Variants in LGALS3BP observed in about 807,000 individuals in gnomAD.
LGALS3BP encodes the protein galectin 3 binding protein.
Under a neutral mutation model 22.9 loss-of-function variants are expected in LGALS3BP, and 25 were observed. The ratio of observed to expected loss-of-function variants is 1.09; its 90% CI spans 0.80 to 1.53. The LOEUF (loss-of-function observed/expected upper bound fraction) is 1.53, where lower values mean the gene tolerates loss of function less well. LGALS3BP is among the 40% of genes most tolerant of loss of function. The probability of loss-of-function intolerance (pLI) is 0.00; values close to 1 mark genes in which losing one functional copy is unlikely to be tolerated. For missense variants in LGALS3BP, 718 were observed against 752.0 expected, an observed-to-expected ratio of 0.95 and a Z score of 0.53; for synonymous variants, 335 against 331.1, an observed-to-expected ratio of 1.01 and a Z score of -0.13.
In LGALS3BP at chr17:78,974,696, C is replaced by T; in HGVS notation, c.368G>A (p.Cys123Tyr). 6.2e-7 allele frequency: 1 copy of T among 1,613,388 alleles called. No individual in the cohort carries two copies. The highest frequency in any genetic ancestry group is 8.5e-7 in the Non-Finnish European group (1 of 1,179,946). ...CRHERDAGVV[C>Y]TNETRSTHTL... is the part of the protein sequence containing the mutation. ...GGTGCGCCCCCGCTCACCATTGGTG[C>T]AGACCACACCAGCGTCTCTCTCGTG... is the stretch of plus-strand genomic sequence containing the variant. Residue 123 changes from cysteine to tyrosine, a missense_variant, in exon 4 of 6, where the codon TGC becomes TAC. Cys to Tyr is a radical substitution (Grantham distance 194). Transcript: ENST00000262776.
Position 78,971,700 on chromosome 17 carries a change from G to A in LGALS3BP, c.1634C>T (p.Pro545Leu), listed in dbSNP as rs755631006. Residue 545 changes from proline to leucine, a missense_variant, in exon 6 of 6, where the codon CCC (proline) becomes CTC (leucine). Pro to Leu is a moderately conservative substitution (Grantham distance 98). Transcript: ENST00000262776. This position sits in a 1 kb window ranked among gnomAD's most constrained non-coding sequence, Gnocchi z 5.6. Reference sequence around the variant, plus strand: ...CGAGCTGTTGGTGTCCAGGGCACTGGGAATCGCAGCCTTCCAGCCCTCGAA... The same window carrying A: ...CGAGCTGTTGGTGTCCAGGGCACTGAGAATCGCAGCCTTCCAGCCCTCGAA... ...TDFEGWKAAI[P>L]SALDTNSSKS... is the part of the protein sequence containing the mutation. 1.2e-6 allele frequency: 2 copies of A among 1,613,950 alleles called. No homozygotes were observed. Among genetic ancestry groups the A allele is most frequent in the East Asian group, 4.5e-5 (2 of 44,868 alleles).
At chr17:78,977,532 C>T (rs1313578641) in intron 1 of LGALS3BP, 2 of 300,624 alleles carry the variant, frequency 6.7e-6, no homozygotes. Context: ...TCTCAAAAAA[C>T]CAGGCCCCGG....
Position 78,976,007 on chromosome 17 carries a change from C to G in LGALS3BP, c.202G>C (p.Glu68Gln), listed in dbSNP as rs11548453. ...CTGCCCAGAGCCTGGGTGGCGTTCT[C>G]GAAGCCCAGGGCCCGGCAGACGACG... ...ASVVCRALGF[E>Q]NATQALGRAA... Residue 68 changes from glutamate to glutamine, a missense_variant, in exon 3 of 6, where the codon GAG becomes CAG. Transcript: ENST00000262776. This position sits in a 1 kb window ranked among gnomAD's most constrained non-coding sequence, Gnocchi z 4.6. The G allele has an allele frequency of 3.1e-6, 5 of 1,612,248 alleles. No individual in the cohort carries two copies. Among genetic ancestry groups the G allele is most frequent in the African/African-American group, 1.3e-5 (1 of 74,892 alleles).
At chr17:78,974,316 G>C (rs148533331) in intron 4 of LGALS3BP, among the ~76,000 whole-genome samples, 1 of 152,250 alleles carries the variant, frequency 6.6e-6, no homozygotes. Context: ...GACTCCCTCC[G>C]CCAGGACGGG....
rs555987277 is a variant in LGALS3BP, at chr17:78,976,898, G to A, written c.52+242C>T. On this transcript the variant is annotated intron_variant, in intron 2 of 5. Transcript: ENST00000262776. This position sits in a 1 kb window ranked among gnomAD's most constrained non-coding sequence, Gnocchi z 4.6. ...TCAGCCCCTCTGGTTCCCTCTGGAC[G>A]GAATGGAGGATTCCCTAGTGTCCTC... 60 of 562,180 alleles carry A rather than the reference G, an allele frequency of 1.1e-4. No homozygotes were observed. In the East Asian group the frequency reaches 1.8e-3, roughly 17 times the overall value. The allele number at this position is 562,180 out of a possible 1,614,324, so 34.8% of individuals were successfully genotyped here.
rs376191216 is a variant in LGALS3BP at position 78,972,939 on chromosome 17, G to A, written c.629+31C>T. The stretch of plus-strand genomic sequence containing the variant: ...AGGGGAGGAGGACAAAGCCCCTGGC[G>A]GCCCCAGAGCCTGAGGACGAGACGG... On this transcript the variant is annotated intron_variant, in intron 5 of 5. Transcript: ENST00000262776. The surrounding 1 kb of genome is among the most constrained non-coding windows in gnomAD (Gnocchi z 5.1). 101 of 1,579,338 alleles carry A rather than the reference G, an allele frequency of 6.4e-5. 2 individuals are homozygous for A. In the African/African-American group the frequency reaches 8.2e-4, roughly 13 times the overall value.
chr17:78,979,789 G>C (rs1209547199), intron 1 of LGALS3BP, 35 bp downstream of exon 1: 3 of 152,274 alleles, frequency 2.0e-5, no homozygotes, highest in African/African-American at 7.2e-5. Flanking sequence ...AGACTGAGAG[G>C]GGTGCCCACC....
In LGALS3BP at chr17:78,974,791, G is replaced by T. The variant is rs764165307; in HGVS notation, c.273C>A (p.Val91=). The change falls in exon 4 of 6, where the codon GTC becomes GTA. Residue 91 remains valine (V), a synonymous_variant. Coordinates refer to ENST00000262776, the MANE Select transcript of LGALS3BP (RefSeq NM_005567.4). ...GTGAGGCCTCGGTTCCCGTGCACTG[G>T]ACCTCATCCAGCATGATGGGGCCTG... The part of the protein sequence containing the change: ...QGSGPIMLDE[V]QCTGTEASLA... 6.2e-7 allele frequency: 1 copy of T among 1,613,868 alleles called. No homozygotes were observed. Among genetic ancestry groups the T allele is most frequent in the South Asian group, 1.1e-5 (1 of 91,084 alleles).
In LGALS3BP at chr17:78,975,994, T is replaced by C; in HGVS notation, c.215A>G (p.Gln72Arg). 6.2e-7 allele frequency: 1 copy of C among 1,611,750 alleles called. No homozygotes were observed. ...CCCGAAGGCAGCTCTGCCCAGAGCCTGGGTGGCGTTCTCGAAGCCCAGGGC... is the reference window on the plus strand; with the variant it reads ...CCCGAAGGCAGCTCTGCCCAGAGCCCGGGTGGCGTTCTCGAAGCCCAGGGC... ...CRALGFENAT[Q>R]ALGRAAFGQG... Residue 72 changes from glutamine to arginine, a missense_variant, in exon 3 of 6, where the codon CAG becomes CGG. Coordinates refer to ENST00000262776, the MANE Select transcript of LGALS3BP (RefSeq NM_005567.4).
Position 78,972,709 on chromosome 17 carries a change from G to GA in LGALS3BP, c.630-6_630-5insT. On this transcript the variant is annotated splice_polypyrimidine_tract_variant and splice_region_variant and intron_variant, in intron 5 of 5. Transcript: ENST00000262776. The surrounding 1 kb of genome is among the most constrained non-coding windows in gnomAD (Gnocchi z 5.1). The stretch of plus-strand genomic sequence containing the variant: ...ATCCTTCGGGAGTAGAAGTACCTGG[G>GA]GAGAAAGAAGGAGAGCAGATGCCGG... 6.6e-7 allele frequency: 1 copy of GA among 1,515,622 alleles called. No homozygotes were observed. Among genetic ancestry groups the GA allele is most frequent in the South Asian group, 1.3e-5 (1 of 75,184 alleles). 93.9% of individuals were successfully genotyped at this position (1,515,622 alleles called of 1,614,324 possible).
At position 78,971,734 on chromosome 17, in the gene LGALS3BP, C is replaced by T. The variant is rs187815628; in HGVS notation, c.1600G>A (p.Val534Ile). 6.9e-5 allele frequency: 111 copies of T among 1,614,072 alleles called. 1 individual carries two copies. The highest frequency in any genetic ancestry group is 2.2e-4 in the Admixed American group (13 of 60,026). ...GCCTTCCAGCCCTCGAAATCGGTGA[C>T]GTCTGCCACGAAGAGCCCTTCGCAG... ...MLCEGLFVAD[V>I]TDFEGWKAAI... is the part of the protein sequence containing the mutation. Residue 534 changes from valine to isoleucine, a missense_variant, in exon 6 of 6, where the codon GTC (valine) becomes ATC (isoleucine). By Grantham distance (29) the Val-to-Ile change is conservative. Transcript: ENST00000262776. This position sits in a 1 kb window ranked among gnomAD's most constrained non-coding sequence, Gnocchi z 5.6.
rs757793073 is a variant in LGALS3BP, at chr17:78,971,880, G to T, written c.1454C>A (p.Thr485Asn). 6.2e-7 allele frequency: 1 copy of T among 1,614,204 alleles called. No homozygotes were observed. Among genetic ancestry groups the T allele is most frequent in the African/African-American group, 1.3e-5 (1 of 75,056 alleles). ...RVSWSLVYLP[T>N]IQSCWNYGFS... Reference sequence around the variant, plus strand: ...GCCGTAGTTCCAGCAGCTCTGGATGGTGGGGAGGTAGACCAGGGACCAGGA... The same window carrying T: ...GCCGTAGTTCCAGCAGCTCTGGATGTTGGGGAGGTAGACCAGGGACCAGGA... The change falls in exon 6 of 6, where the codon ACC becomes AAC. Residue 485 changes from threonine (T) to asparagine (N), a missense_variant. Physicochemically the swap from Thr to Asn is moderately conservative, Grantham distance 65. Transcript: ENST00000262776. The surrounding 1 kb of genome is among the most constrained non-coding windows in gnomAD (Gnocchi z 5.6).
chr17:78,975,072 T>C, intron 3 of LGALS3BP: 1 of 504,924 alleles, frequency 2.0e-6, no homozygotes. Context: ...ATAGTAATTG[T>C]GTGACTATCC....
chr17:78,972,027 C>T lies in LGALS3BP; in HGVS notation c.1307G>A (p.Arg436Gln), dbSNP rs148972972. The change falls in exon 6 of 6, where the codon CGG (arginine) becomes CAG (glutamine). Residue 436 changes from arginine to glutamine, a missense_variant. Physicochemically the swap from Arg to Gln is conservative, Grantham distance 43. Transcript: ENST00000262776. This position sits in a 1 kb window ranked among gnomAD's most constrained non-coding sequence, Gnocchi z 5.1. Reference protein sequence around the residue: ...RKSQLVYQSRRGPLVKYSSDY... With the variant: ...RKSQLVYQSRQGPLVKYSSDY... ...AGAAGAATATTTGACCAAAGGCCCCCGTCTGGACTGATAGACCAGTTGTGA... is the reference window on the plus strand; with the variant it reads ...AGAAGAATATTTGACCAAAGGCCCCTGTCTGGACTGATAGACCAGTTGTGA... 21 of 1,614,026 alleles carry T rather than the reference C, an allele frequency of 1.3e-5. No homozygotes were observed. The highest frequency in any genetic ancestry group is 5.0e-5 in the Admixed American group (3 of 60,002).
chr17:78,971,917 C>T lies in LGALS3BP; in HGVS notation c.1417G>A (p.Asp473Asn). 6.2e-7 allele frequency: 1 copy of T among 1,613,990 alleles called. No homozygotes were observed. The highest frequency in any genetic ancestry group is 1.1e-5 in the South Asian group (1 of 91,064). ...TPQHPSFLFQDKRVSWSLVYL... is the reference protein window; with the variant it reads ...TPQHPSFLFQNKRVSWSLVYL... The stretch of plus-strand genomic sequence containing the variant: ...ACCAGGGACCAGGACACCCTCTTGT[C>T]CTGGAAGAGGAAGCTGGGGTGTTGT... The change falls in exon 6 of 6, where the codon GAC becomes AAC. Residue 473 changes from aspartate (D) to asparagine (N), a missense_variant. Coordinates refer to ENST00000262776, the MANE Select transcript of LGALS3BP (RefSeq NM_005567.4). This position sits in a 1 kb window ranked among gnomAD's most constrained non-coding sequence, Gnocchi z 5.6.
Position 78,973,322 on chromosome 17 carries a change from C to A in LGALS3BP, c.377-100G>T. On this transcript the variant is annotated intron_variant, in intron 4 of 5. Coordinates refer to ENST00000262776, the MANE Select transcript of LGALS3BP (RefSeq NM_005567.4). This position sits in a 1 kb window ranked among gnomAD's most constrained non-coding sequence, Gnocchi z 5.8. Reference sequence around the variant, plus strand: ...TCTGAAAGTGAGGGATTTGTGGCTGCCTCATTCACTCTGGAAGGCTCCTGG... The same window carrying A: ...TCTGAAAGTGAGGGATTTGTGGCTGACTCATTCACTCTGGAAGGCTCCTGG... 7.5e-7 allele frequency: 1 copy of A among 1,330,914 alleles called. No homozygotes were observed. The highest frequency in any genetic ancestry group is 1.0e-6 in the Non-Finnish European group (1 of 1,003,954). The allele number at this position is 1,330,914 out of a possible 1,614,324, so 82.4% of individuals were successfully genotyped here. A position where few individuals can be genotyped will look rare whatever the true frequency, so the allele number is the denominator to read the frequency against.
rs770087733 is a variant in LGALS3BP, at chr17:78,973,353, C to G, written c.377-131G>C. The G allele has an allele frequency of 1.8e-6, 2 of 1,111,862 alleles. No individual in the cohort carries two copies. The highest frequency in any genetic ancestry group is 2.9e-5 in the Admixed American group (1 of 34,608). 68.9% of individuals were successfully genotyped at this position (1,111,862 alleles called of 1,614,324 possible). On this transcript the variant is annotated intron_variant, in intron 4 of 5. Transcript: ENST00000262776. The surrounding 1 kb of genome is among the most constrained non-coding windows in gnomAD (Gnocchi z 5.8). ...TCACTCTGGAAGGCTCCTGGGAAGA[C>G]GAGGGACAAGAGAGACCGGAAGTGT...
chr17:78,978,245 G>T (rs1055044327), intron 1 of LGALS3BP, among the ~76,000 whole-genome samples: 2 of 152,226 alleles, frequency 1.3e-5, no homozygotes, highest in Non-Finnish European at 2.9e-5. Context: ...AGTCATGGCT[G>T]GCCTTGCCCT....
intron 4 of LGALS3BP, among the ~76,000 whole-genome samples, chr17:78,974,185 C>T (rs1426714787): frequency 3.3e-5 from 5 of 152,238 alleles, no homozygotes; most frequent in Non-Finnish European, 1.5e-5. Context: ...CAGGAAGAGC[C>T]ACCTCGGCAT....
Sources: allele counts gnomAD v4.1 joint callset (sites outside exome capture counted in the v4.1 genomes callset), GRCh38; gene constraint gnomAD v4.1.1; non-coding constraint Gnocchi (gnomAD v3.1); transcripts MANE v1.5; gene names NCBI Gene and HGNC (gene_info 2026-07-23, HGNC 2026-07-21).